Variants in TNIP3 observed in about 807,000 individuals in gnomAD.
TNIP3 encodes the protein TNFAIP3 interacting protein 3, also known as TNFAIP3-interacting protein 3.
In TNIP3, 34 loss-of-function variants were observed where a neutral mutation model predicts 54.1. That is an observed-to-expected ratio of 0.63 (90% CI 0.48 to 0.84). The LOEUF is 0.84. TNIP3 is among the 40% of genes least tolerant of loss of function. The pLI, the probability that TNIP3 is intolerant of heterozygous loss-of-function variation, is 0.00. For missense variants in TNIP3, 366 were observed against 387.6 expected, an observed-to-expected ratio of 0.94 and a Z score of 0.47; for synonymous variants, 134 against 136.8, an observed-to-expected ratio of 0.98 and a Z score of 0.14.
chr4:121,144,938 G>A (rs1195633819), intron 7 of TNIP3, among the ~76,000 whole-genome samples: 30 of 152,110 alleles, frequency 2.0e-4, no homozygotes, highest in Admixed American at 1.9e-3. Context: ...TACCACCAAT[G>A]GAATATTAGA....
intron 2 of TNIP3, among the ~76,000 whole-genome samples, chr4:121,188,239 A>G (rs1347640673): frequency 6.6e-6 from 1 of 152,168 alleles, no homozygotes; most frequent in Non-Finnish European, 1.5e-5. Context: ...GAAATTAAAT[A>G]GAAATGATAT....
intron 6 of TNIP3, 32 bp downstream of exon 6, chr4:121,150,071 T>C: frequency 3.5e-6 from 5 of 1,428,874 alleles, no homozygotes; most frequent in Non-Finnish European, 3.9e-6. Context: ...CAGTATGTTC[T>C]CCACAGGATC....
intron 2 of TNIP3, among the ~76,000 whole-genome samples, chr4:121,191,375 C>T (rs578075484): frequency 6.6e-6 from 1 of 152,206 alleles, no homozygotes; most frequent in East Asian, 1.9e-4. Context: ...TGATAAACAC[C>T]TGGAAGAGAA....
intron 2 of TNIP3, among the ~76,000 whole-genome samples, chr4:121,185,861 C>A (rs1560678544): frequency 6.6e-6 from 1 of 152,196 alleles, no homozygotes; most frequent in Non-Finnish European, 1.5e-5. Context: ...AATTGAGTAT[C>A]CATTATTGCA....
intron 3 of TNIP3, among the ~76,000 whole-genome samples, chr4:121,172,451 G>GT (rs563274037): frequency 6.6e-5 from 10 of 152,306 alleles, no homozygotes; most frequent in African/African-American, 2.2e-4. Flanking sequence ...GAAAAAACCC[G>GT]TAAGAGATAG....
In TNIP3 at chr4:121,180,927, C is replaced by T. The variant is rs574548013; in HGVS notation, c.189+1749G>A. 4.6e-5 allele frequency among the ~76,000 whole-genome samples: 7 copies of T among 152,276 alleles called. No individual in the cohort carries two copies. In the South Asian group the frequency reaches 6.2e-4, roughly 14 times the overall value. On this transcript the variant is annotated intron_variant, in intron 3 of 12. Coordinates refer to the TNIP3 transcript ENST00000507879. Reference sequence around the variant, plus strand: ...TCTCAGTCTCTGTAGATGTCTTTACCTCATACTTCACAAAGAAAATAGAAA... The same window carrying T: ...TCTCAGTCTCTGTAGATGTCTTTACTTCATACTTCACAAAGAAAATAGAAA...
chr4:121,133,987 C>A (rs1385362079), intron 10 of TNIP3, among the ~76,000 whole-genome samples: 1 of 151,922 alleles, frequency 6.6e-6, no homozygotes, highest in African/African-American at 2.4e-5. Context: ...GGATATCTAA[C>A]CTCCAGAGCT....
At chr4:121,150,270 G>T (rs1008535788) in intron 5 of TNIP3, 51 bp from the exon 6 acceptor site, 4 of 1,144,278 alleles carry the variant, frequency 3.5e-6, no homozygotes, top group South Asian at 1.4e-5. Flanking sequence ...CACATGGAAT[G>T]AATTCTTTTA....
At chr4:121,198,990 C>T (rs1725741790) in intron 2 of TNIP3, among the ~76,000 whole-genome samples, 4 of 152,144 alleles carry the variant, frequency 2.6e-5, no homozygotes. Flanking sequence ...GGTATAGATC[C>T]TCTTTGATGG....
At chr4:121,196,259 A>G (rs555506950) in intron 2 of TNIP3, among the ~76,000 whole-genome samples, 37 of 152,352 alleles carry the variant, frequency 2.4e-4, no homozygotes, top group African/African-American at 8.9e-4. Context: ...TGTGTCTAAA[A>G]CTAATACTGT....
At chr4:121,177,260 T>G (rs1724413579) in intron 3 of TNIP3, among the ~76,000 whole-genome samples, 1 of 152,220 alleles carries the variant, frequency 6.6e-6, no homozygotes, top group African/African-American at 2.4e-5. Context: ...TTTTGGAATC[T>G]TAATATCATT....
At chr4:121,189,110 T>C (rs755007766) in intron 2 of TNIP3, among the ~76,000 whole-genome samples, 40 of 152,146 alleles carry the variant, frequency 2.6e-4, no homozygotes, top group Non-Finnish European at 5.0e-4. Context: ...TTAATTGACC[T>C]CCTGCATTAA....
At chr4:121,200,132 C>T (rs1260318427) in intron 2 of TNIP3, among the ~76,000 whole-genome samples, 1 of 151,932 alleles carries the variant, frequency 6.6e-6, no homozygotes, top group Non-Finnish European at 1.5e-5. Context: ...CACTGGGTTC[C>T]TTTACTGCCC....
At chr4:121,180,281 T>C (rs1236243809) in intron 3 of TNIP3, among the ~76,000 whole-genome samples, 1 of 152,046 alleles carries the variant, frequency 6.6e-6, no homozygotes, top group African/African-American at 2.4e-5. Flanking sequence ...GCGCCTGTAG[T>C]CCCAGCTACT....
intron 2 of TNIP3, among the ~76,000 whole-genome samples, chr4:121,196,292 G>A (rs1725578038): frequency 6.6e-6 from 1 of 152,176 alleles, no homozygotes; most frequent in Non-Finnish European, 1.5e-5. Context: ...TTTTAAACCT[G>A]TGTTTGTAAA....
chr4:121,215,704 C>T (rs1726749330), intron 2 of TNIP3, among the ~76,000 whole-genome samples: 1 of 151,882 alleles, frequency 6.6e-6, no homozygotes, highest in African/African-American at 2.4e-5. Flanking sequence ...CTCAGATTTC[C>T]AAGAACAGTT....
chr4:121,205,376 G>T (rs1166378155), intron 2 of TNIP3, among the ~76,000 whole-genome samples: 1 of 152,106 alleles, frequency 6.6e-6, no homozygotes, highest in Non-Finnish European at 1.5e-5. Flanking sequence ...GAGTAAGAAG[G>T]GGGATTGTAG....
At chr4:121,184,541 T>C (rs904502676) in intron 2 of TNIP3, among the ~76,000 whole-genome samples, 1 of 151,922 alleles carries the variant, frequency 6.6e-6, no homozygotes, top group African/African-American at 2.4e-5. Context: ...ATGGAGAGAG[T>C]CCTGACAATT....
upstream of TNIP3, among the ~76,000 whole-genome samples, chr4:121,168,676 G>A (rs2148819844): frequency 6.6e-6 from 1 of 151,862 alleles, no homozygotes; most frequent in East Asian, 1.9e-4. Context: ...AACCACATCT[G>A]GCTATTTTTA....
Sources: gnomAD v4.1 joint callset for allele counts (sites outside exome capture counted in the v4.1 genomes callset) on GRCh38, gnomAD v4.1.1 for gene constraint, MANE v1.5 for transcripts, NCBI Gene and HGNC (gene_info 2026-07-23, HGNC 2026-07-21) for gene names.